VSIR: variants seen among roughly 807,000 people sequenced by gnomAD.
VSIR encodes V-type immunoglobulin domain-containing suppressor of T-cell activation.
In VSIR, 10 loss-of-function variants were observed where a neutral mutation model predicts 31.0. That is an observed-to-expected ratio of 0.32 (90% confidence interval 0.20 to 0.55). VSIR has a LOEUF of 0.55. Among genes scored for constraint, VSIR ranks in the 20% least tolerant of loss-of-function variants. The pLI, the probability that VSIR is intolerant of heterozygous loss-of-function variation, is 0.93. For missense variants in VSIR, 356 were observed against 416.2 expected (o/e 0.86, Z 1.26); for synonymous variants, 179 against 180.1 (o/e 0.99, Z 0.05).
chr10:71,761,061 C>T, intron 2 of VSIR, 137 bp from the exon 3 acceptor site: 2 of 809,526 alleles, frequency 2.5e-6, no homozygotes, highest in East Asian at 2.6e-5. Flanking sequence ...CAGTGGCAGC[C>T]TGCACACGTG....
intron 3 of VSIR, among the ~76,000 whole-genome samples, chr10:71,759,595 TC>T (rs1293839945): frequency 1.3e-5 from 2 of 151,412 alleles, no homozygotes; most frequent in Non-Finnish European, 2.9e-5. Context: ...AGATCATTTG[TC>T]AGTAGTTTGA....
chr10:71,773,326 T>C lies in VSIR; in HGVS notation c.82+32A>G, dbSNP rs79424899. 1,491 of 1,577,964 alleles carry C rather than the reference T, an allele frequency of 9.4e-4. 14 individuals are homozygous for C. In the African/African-American group the frequency reaches 0.018, roughly 19 times the overall value. The stretch of plus-strand genomic sequence containing the variant: ...TCCAGTCTGCTGTCTTCTCCCAGCT[T>C]TTTCCCAGCGCCCCGCCTCCCCCGA... On this transcript the variant is annotated intron_variant, in intron 1 of 6. Coordinates refer to ENST00000394957, the MANE Select transcript of VSIR (RefSeq NM_022153.2).
intron 1 of VSIR, among the ~76,000 whole-genome samples, chr10:71,767,756 G>A (rs796995896): frequency 2.0e-5 from 3 of 152,256 alleles, no homozygotes; most frequent in African/African-American, 7.2e-5. Flanking sequence ...GGGCATCTCA[G>A]ATGTGTTTAT....
intron 3 of VSIR, among the ~76,000 whole-genome samples, chr10:71,759,831 A>ACACACACACACG (rs1234245053): frequency 4.4e-5 from 3 of 67,890 alleles, no homozygotes; most frequent in African/African-American, 1.2e-4. Context: ...ACACACACAC[A>ACACACACACACG]CACACACACA....
chr10:71,767,289 C>T (rs929788326), intron 1 of VSIR, among the ~76,000 whole-genome samples: 8 of 152,290 alleles, frequency 5.3e-5, no homozygotes, highest in South Asian at 4.1e-4. Flanking sequence ...TTTTTCATGA[C>T]AGGGCGTGAG....
At chr10:71,770,247 G>A (rs1393423145) in intron 1 of VSIR, among the ~76,000 whole-genome samples, 1 of 152,248 alleles carries the variant, frequency 6.6e-6, no homozygotes, top group Non-Finnish European at 1.5e-5. Context: ...GCTGTGTTAA[G>A]TGTTCGTTCA....
chr10:71,752,621 A>G (rs1237530426), intron 5 of VSIR, among the ~76,000 whole-genome samples: 1 of 152,156 alleles, frequency 6.6e-6, no homozygotes. Context: ...CTCTGCGGGC[A>G]GGAGGCACAG....
At position 71,760,927 on chromosome 10, in the gene VSIR, G is replaced by A. The variant is rs1840365590; in HGVS notation, c.512-3C>T. 1 of 1,613,696 alleles carries A rather than the reference G, an allele frequency of 6.2e-7. No individual in the cohort carries two copies. The highest frequency in any genetic ancestry group is 8.5e-7 in the Non-Finnish European group (1 of 1,179,768). On this transcript the variant is annotated splice_polypyrimidine_tract_variant and splice_region_variant and intron_variant, in intron 2 of 6. Coordinates refer to ENST00000394957, the MANE Select transcript of VSIR (RefSeq NM_022153.2). ...ACAGTTGGATGGTGCATCTTTGCCTGTGGGAACAAACAGAAGGGCCATTAG... is the reference window on the plus strand; with the variant it reads ...ACAGTTGGATGGTGCATCTTTGCCTATGGGAACAAACAGAAGGGCCATTAG...
Position 71,752,585 on chromosome 10 carries a change from G to A in VSIR, c.704+390C>T, listed in dbSNP as rs115592885. ...AGCCTCTGCCCTTGTGGCCTGCAGC[G>A]GCCTAACAGCTTTCTCCTTGGAGTT... On this transcript the variant is annotated intron_variant, in intron 5 of 6. Coordinates refer to ENST00000394957, the MANE Select transcript of VSIR (RefSeq NM_022153.2). Among the ~76,000 whole-genome samples the A allele has an allele frequency of 3.7e-3, 564 of 152,254 alleles. 7 individuals carry two copies. Among genetic ancestry groups the A allele is most frequent in the African/African-American group, 0.013 (529 of 41,558 alleles).
chr10:71,765,154 C>T (rs1003767102), intron 1 of VSIR, among the ~76,000 whole-genome samples: 20 of 152,238 alleles, frequency 1.3e-4, no homozygotes, highest in African/African-American at 3.9e-4. Flanking sequence ...CCTTCCCCAG[C>T]AGGCCATGTG....
At chr10:71,758,599 T>C (rs555773996) in intron 3 of VSIR, among the ~76,000 whole-genome samples, 1 of 152,340 alleles carries the variant, frequency 6.6e-6, no homozygotes, top group South Asian at 2.1e-4. Context: ...TATGCAGAGC[T>C]AAGCAGGCCT....
chr10:71,760,588 T>G, intron 3 of VSIR: 1 of 379,208 alleles, frequency 2.6e-6, no homozygotes, highest in East Asian at 4.5e-5. Context: ...ACCCAGTACC[T>G]GTCATGAGGC....
At chr10:71,759,559 C>T (rs1265488852) in intron 3 of VSIR, among the ~76,000 whole-genome samples, 1 of 151,566 alleles carries the variant, frequency 6.6e-6, no homozygotes, top group Non-Finnish European at 1.5e-5. Flanking sequence ...CCTGTAATCC[C>T]AGCACTTTGG....
chr10:71,772,165 G>T (rs913526540), intron 1 of VSIR, among the ~76,000 whole-genome samples: 12 of 152,206 alleles, frequency 7.9e-5, no homozygotes, highest in African/African-American at 2.9e-4. Context: ...TCTGTGACAT[G>T]TGGAGCCCTC....
chr10:71,772,323 G>A (rs1384258847), intron 1 of VSIR, among the ~76,000 whole-genome samples: 5 of 152,104 alleles, frequency 3.3e-5, no homozygotes, highest in Non-Finnish European at 1.5e-5. Flanking sequence ...CCTGCCCACT[G>A]GGTCCCTGTG....
At chr10:71,758,460 T>C (rs1415548451) in intron 3 of VSIR, among the ~76,000 whole-genome samples, 5 of 152,248 alleles carry the variant, frequency 3.3e-5, no homozygotes, top group Non-Finnish European at 1.5e-5. Context: ...TGCTGGGTAT[T>C]CTCACCCAAC....
intron 1 of VSIR, 23 bp downstream of exon 1, chr10:71,773,335 C>A: frequency 1.9e-6 from 3 of 1,588,936 alleles, no homozygotes; most frequent in East Asian, 2.3e-5. Context: ...TTTTTCCCAG[C>A]GCCCCGCCTC....
At position 71,755,435 on chromosome 10, in the gene VSIR, G is replaced by C. The variant is rs760752416; in HGVS notation, c.600C>G (p.Ala200=). ...GGAGGCAGAGGATTCCTACGATGCA[G>C]GCACCCGTAGCCAGGGCTGCAGCCG... is the stretch of plus-strand genomic sequence containing the variant. ...NITAAALATG[A]CIVGILCLPL... is the part of the protein sequence containing the mutation. The change falls in exon 4 of 7, where the codon GCC becomes GCG. Residue 200 remains alanine (A), a synonymous_variant. Transcript: ENST00000394957. The C allele has an allele frequency of 6.2e-7, 1 of 1,613,214 alleles. No homozygotes were observed. The highest frequency in any genetic ancestry group is 2.2e-5 in the East Asian group (1 of 44,856).
chr10:71,763,598 G>C (rs936655687), intron 1 of VSIR, among the ~76,000 whole-genome samples: 2 of 152,196 alleles, frequency 1.3e-5, no homozygotes, highest in Non-Finnish European at 2.9e-5. Context: ...AGCCTGTACT[G>C]GACCAGTAGC....
Sources: allele counts gnomAD v4.1 joint callset (sites outside exome capture counted in the v4.1 genomes callset), GRCh38; gene constraint gnomAD v4.1.1; transcripts MANE v1.5; gene names NCBI Gene and HGNC (gene_info 2026-07-23, HGNC 2026-07-21).